Variants in PTPRD observed in about 807,000 individuals in gnomAD.
The protein encoded by PTPRD is receptor-type tyrosine-protein phosphatase delta.
In PTPRD, 34 loss-of-function variants were observed where a neutral mutation model predicts 214.5. The observed-to-expected ratio is 0.16, with a 90% CI of 0.12 to 0.21. The LOEUF is 0.21. PTPRD is among the 10% of genes least tolerant of loss of function. The pLI, the probability that PTPRD is intolerant of heterozygous loss-of-function variation, is 1.00. For synonymous variants in PTPRD, 1,128 were observed against 845.7 expected, an observed-to-expected ratio of 1.33 and a Z score of -5.79; for missense variants, 2,545 against 2,398.7, an observed-to-expected ratio of 1.06 and a Z score of -1.27.
chr9:9,132,001 G>T (rs566953270), intron 10 of PTPRD, among the ~76,000 whole-genome samples: 2 of 151,416 alleles, frequency 1.3e-5, no homozygotes, highest in South Asian at 2.1e-4. Context: ...CTAGTTTTTT[G>T]TTTGTTTGTT....
chr9:9,895,306 G>T (rs953507385), intron 5 of PTPRD, among the ~76,000 whole-genome samples: 1 of 149,310 alleles, frequency 6.7e-6, no homozygotes, highest in Non-Finnish European at 1.5e-5. Context: ...GGTGGTAACA[G>T]TGGGAAGGGG....
intron 14 of PTPRD, among the ~76,000 whole-genome samples, chr9:8,579,799 C>A (rs1327017032): frequency 6.6e-6 from 1 of 152,076 alleles, no homozygotes; most frequent in African/African-American, 2.4e-5. Context: ...TGCAGACGTA[C>A]CTTGGAAGGA....
intron 2 of PTPRD, among the ~76,000 whole-genome samples, chr9:10,594,196 CACTTT>C (rs2076139779): frequency 1.3e-5 from 2 of 151,896 alleles, no homozygotes; most frequent in Admixed American, 1.3e-4. Flanking sequence ...TTACAGAGGA[CACTTT>C]ACTTCTAGTT....
At chr9:10,122,054 TC>T (rs2098779982) in intron 3 of PTPRD, among the ~76,000 whole-genome samples, 1 of 152,210 alleles carries the variant, frequency 6.6e-6, no homozygotes, top group Non-Finnish European at 1.5e-5. Flanking sequence ...ACGCCTGTAA[TC>T]CCAGCATTGT....
At chr9:8,799,685 A>T (rs1475270525) in intron 11 of PTPRD, among the ~76,000 whole-genome samples, 1 of 152,200 alleles carries the variant, frequency 6.6e-6, no homozygotes, top group Non-Finnish European at 1.5e-5. Context: ...TAGCAGATGT[A>T]GCCAGGTTCA....
At chr9:8,503,213 T>TG (rs1217645250) in intron 23 of PTPRD, among the ~76,000 whole-genome samples, 1 of 152,074 alleles carries the variant, frequency 6.6e-6, no homozygotes, top group Non-Finnish European at 1.5e-5. Context: ...AATGAAATGG[T>TG]GGAAAACTTG....
chr9:8,640,661 G>A (rs2096556302), intron 12 of PTPRD, among the ~76,000 whole-genome samples: 1 of 147,012 alleles, frequency 6.8e-6, no homozygotes, highest in South Asian at 2.2e-4. Flanking sequence ...AATTTCAGGG[G>A]CTTTTACAGA....
intron 2 of PTPRD, among the ~76,000 whole-genome samples, chr9:10,570,397 G>A (rs1216005918): frequency 1.3e-5 from 2 of 152,110 alleles, no homozygotes; most frequent in Admixed American, 6.6e-5. Flanking sequence ...AGACATATCA[G>A]GAGTGTGTTC....
chr9:10,530,223 A>C (rs945451330), intron 2 of PTPRD, among the ~76,000 whole-genome samples: 7 of 152,010 alleles, frequency 4.6e-5, no homozygotes, highest in Non-Finnish European at 1.0e-4. Flanking sequence ...TATTAGACTC[A>C]AACTTAATCT....
intron 3 of PTPRD, among the ~76,000 whole-genome samples, chr9:10,249,578 T>A (rs2092580081): frequency 6.6e-6 from 1 of 152,236 alleles, no homozygotes. Flanking sequence ...GAAACTTATC[T>A]GAAATTTTAT....
intron 8 of PTPRD, among the ~76,000 whole-genome samples, chr9:9,474,481 T>C (rs1364412288): frequency 6.6e-6 from 1 of 152,086 alleles, no homozygotes; most frequent in East Asian, 1.9e-4. Flanking sequence ...AGTGAAGAAT[T>C]CCATTGGTGT....
intron 3 of PTPRD, among the ~76,000 whole-genome samples, chr9:10,057,608 G>C (rs760092496): frequency 1.3e-5 from 2 of 152,126 alleles, no homozygotes; most frequent in Non-Finnish European, 2.9e-5. Context: ...CACTTGGGAG[G>C]TCAAGGCGGG....
At chr9:10,308,838 C>A (rs1287036769) in intron 3 of PTPRD, among the ~76,000 whole-genome samples, 1 of 152,008 alleles carries the variant, frequency 6.6e-6, no homozygotes, top group Admixed American at 6.6e-5. Context: ...ACAGAAATAT[C>A]AGAATTGTGT....
At chr9:9,984,662 G>C (rs1282075797) in intron 4 of PTPRD, among the ~76,000 whole-genome samples, 1 of 152,138 alleles carries the variant, frequency 6.6e-6, no homozygotes, top group African/African-American at 2.4e-5. Context: ...AATGGGAGTA[G>C]GGGAACAGGC....
intron 3 of PTPRD, among the ~76,000 whole-genome samples, chr9:10,180,312 G>A (rs2099274615): frequency 6.6e-6 from 1 of 151,930 alleles, no homozygotes; most frequent in Non-Finnish European, 1.5e-5. Flanking sequence ...CAGGATAAAA[G>A]CCAAAGTTCT....
chr9:9,732,821 G>A (rs2098222279), intron 7 of PTPRD, among the ~76,000 whole-genome samples: 1 of 151,942 alleles, frequency 6.6e-6, no homozygotes, highest in Admixed American at 6.6e-5. Flanking sequence ...CCGTGGTGTG[G>A]CTCTGTCGTC....
chr9:9,347,832 C>T (rs2049451013), intron 9 of PTPRD, among the ~76,000 whole-genome samples: 1 of 152,098 alleles, frequency 6.6e-6, no homozygotes. Flanking sequence ...AGGCACTAAG[C>T]AATGACTGGA....
At chr9:9,056,813 A>T (rs2099697098) in intron 10 of PTPRD, among the ~76,000 whole-genome samples, 1 of 152,208 alleles carries the variant, frequency 6.6e-6, no homozygotes, top group African/African-American at 2.4e-5. Flanking sequence ...TTATTAAATC[A>T]TATTTATATC....
intron 11 of PTPRD, among the ~76,000 whole-genome samples, chr9:8,837,025 C>CA (rs1402920427): frequency 2.2e-4 from 27 of 125,186 alleles, no homozygotes; most frequent in African/African-American, 7.2e-4. Flanking sequence ...CCACACCCAG[C>CA]TTTTTTTTTT....
Sources: allele counts gnomAD v4.1 joint callset (sites outside exome capture counted in the v4.1 genomes callset), GRCh38; gene constraint gnomAD v4.1.1; transcripts MANE v1.5; gene names NCBI Gene and HGNC (gene_info 2026-07-23, HGNC 2026-07-21).